The following SH3PXD2B variants were observed in gnomAD, a reference collection of about 807,000 sequenced individuals.
SH3PXD2B encodes SH3 and PX domains 2B, also known as SH3 and PX domain-containing protein 2B.
In SH3PXD2B, 37 loss-of-function variants were observed where a neutral mutation model predicts 73.1. The ratio of observed to expected loss-of-function variants is 0.51; its 90% confidence interval spans 0.39 to 0.67. SH3PXD2B has a LOEUF of 0.67. Among genes scored for constraint, SH3PXD2B ranks in the 30% least tolerant of loss-of-function variants. SH3PXD2B has a pLI of 0.00. For missense variants in SH3PXD2B, 1,053 were observed against 1,197.8 expected (o/e 0.88, Z 1.78); for synonymous variants, 457 against 480.5 (o/e 0.95, Z 0.64).
Position 172,368,626 on chromosome 5 carries a change from ATAT to A in SH3PXD2B, c.427+5161_427+5163del, listed in dbSNP as rs1160013635. The stretch of plus-strand genomic sequence containing the variant: ...TATATAATATATATGTTATATATAT[ATAT>A]AATATATATGTTATATATATAAAAT... On this transcript the variant is annotated intron_variant, in intron 6 of 12. Transcript: ENST00000311601. 5.5e-4 allele frequency among the ~76,000 whole-genome samples: 13 copies of A among 23,542 alleles called. 2 individuals carry two copies. The highest frequency in any genetic ancestry group is 6.4e-4 in the Non-Finnish European group (11 of 17,160). The allele number at this position is 23,542 out of a possible 152,430, so 15.4% of individuals were successfully genotyped here. A position where few individuals can be genotyped will look rare whatever the true frequency, so the allele number is the denominator to read the frequency against.
chr5:172,329,083 A>ATATATTTTTT (rs58472514), downstream of SH3PXD2B, among the ~76,000 whole-genome samples: 23 of 61,810 alleles, frequency 3.7e-4, no homozygotes, highest in African/African-American at 1.3e-3. Flanking sequence ...ATATATATAT[A>ATATATTTTTT]TTTTTTTTTT....
At chr5:172,384,831 G>A (rs7713926) in intron 4 of SH3PXD2B, among the ~76,000 whole-genome samples, 6,349 of 152,196 alleles carry the variant, frequency 0.042, 210 homozygotes, top group South Asian at 0.2. Context: ...GCTGCAATCT[G>A]CTCCAGACTC....
chr5:172,355,798 C>A (rs879457257), intron 8 of SH3PXD2B, among the ~76,000 whole-genome samples: 16 of 152,124 alleles, frequency 1.1e-4, no homozygotes, highest in Non-Finnish European at 1.8e-4. Flanking sequence ...CCCGCCTCGG[C>A]CTCCCAACGT....
intron 1 of SH3PXD2B, among the ~76,000 whole-genome samples, chr5:172,430,868 C>T (rs1160395704): frequency 6.7e-6 from 1 of 149,526 alleles, no homozygotes; most frequent in Non-Finnish European, 1.5e-5. Flanking sequence ...TTCTTTCTTT[C>T]TTTTTTTTTT....
In SH3PXD2B at chr5:172,339,601, T is replaced by C. The variant is rs1237708560; in HGVS notation, c.1504A>G (p.Met502Val). ...KDVLRKASSD[M>V]SASAGYEEIS... Reference sequence around the variant, plus strand: ...TCCTCGTAGCCTGCTGACGCAGACATGTCTGAAGATGCCTTCCTCAGGACA... The same window carrying C: ...TCCTCGTAGCCTGCTGACGCAGACACGTCTGAAGATGCCTTCCTCAGGACA... Residue 502 changes from methionine to valine, a missense_variant, in exon 13 of 13, where the codon ATG becomes GTG. Met to Val is a conservative substitution (Grantham distance 21). Transcript: ENST00000311601. This position sits in a 1 kb window ranked among gnomAD's most constrained non-coding sequence, Gnocchi z 6.1. The C allele has an allele frequency of 1.1e-5, 18 of 1,614,140 alleles. No individual in the cohort carries two copies. The highest frequency in any genetic ancestry group is 4.0e-5 in the African/African-American group (3 of 74,952).
At chr5:172,364,870 C>T (rs987883598) in intron 6 of SH3PXD2B, among the ~76,000 whole-genome samples, 6 of 151,998 alleles carry the variant, frequency 3.9e-5, no homozygotes, top group Non-Finnish European at 8.8e-5. Context: ...CAGGGCTTCT[C>T]CACTGGAGAG....
Position 172,335,086 on chromosome 5 carries a change from C to A in SH3PXD2B, c.*3283G>T. The A allele has an allele frequency of 2.0e-6, 2 of 985,582 alleles. No individual in the cohort carries two copies. The allele number at this position is 985,582 out of a possible 1,614,324, so 61.1% of individuals were successfully genotyped here. A position where few individuals can be genotyped will look rare whatever the true frequency, so the allele number is the denominator to read the frequency against. ...CACCCACCAATGGCAAAGAAAGATT[C>A]CGAGCAGAACATGTGAGCAAAGGCC... On this transcript the variant is annotated 3_prime_UTR_variant, in exon 13 of 13. Coordinates refer to ENST00000311601, the MANE Select transcript of SH3PXD2B (RefSeq NM_001017995.3).
At chr5:172,345,939 G>A (rs1405631420) in intron 12 of SH3PXD2B, among the ~76,000 whole-genome samples, 197 bp downstream of exon 12, 1 of 152,210 alleles carries the variant, frequency 6.6e-6, no homozygotes, top group African/African-American at 2.4e-5. Context: ...GGTGAGGGTT[G>A]TGCAACCCTG....
intron 8 of SH3PXD2B, among the ~76,000 whole-genome samples, chr5:172,357,052 A>C (rs1482326726): frequency 1.4e-5 from 2 of 147,882 alleles, no homozygotes; most frequent in Non-Finnish European, 3.0e-5. Flanking sequence ...CCAGGAATTC[A>C]AGGCTGCAGT....
intron 8 of SH3PXD2B, among the ~76,000 whole-genome samples, chr5:172,355,322 T>C (rs996412404): frequency 1.3e-5 from 2 of 152,206 alleles, no homozygotes; most frequent in African/African-American, 4.8e-5. Flanking sequence ...ACATATCCTG[T>C]GCTCAGCACA....
In SH3PXD2B at chr5:172,333,896, C is replaced by A. The variant is rs1326584970; in HGVS notation, c.*4473G>T. ...GAAAGGGGCGCTAACAATAATTACA[C>A]GGGCACAAAGGCATACATGGGCACA... On this transcript the variant is annotated 3_prime_UTR_variant, in exon 13 of 13. Transcript: ENST00000311601. 3.1e-6 allele frequency: 4 copies of A among 1,272,036 alleles called. No individual in the cohort carries two copies. The African/African-American group carries it at 4.7e-5, about 15-fold the overall frequency. 78.8% of individuals were successfully genotyped at this position (1,272,036 alleles called of 1,614,324 possible).
chr5:172,337,411 C>T lies in SH3PXD2B; in HGVS notation c.*958G>A, dbSNP rs76230855. Reference sequence around the variant, plus strand: ...CTGGTGTGTCCTTGGGCACATGGAGCGTGAATTTCCTCATCTATAAAGGGA... The same window carrying T: ...CTGGTGTGTCCTTGGGCACATGGAGTGTGAATTTCCTCATCTATAAAGGGA... On this transcript the variant is annotated 3_prime_UTR_variant, in exon 13 of 13. Transcript: ENST00000311601. 2.3e-4 allele frequency: 223 copies of T among 979,726 alleles called. No individual in the cohort carries two copies. The highest frequency in any genetic ancestry group is 1.9e-3 in the Admixed American group (31 of 16,278). 60.7% of individuals were successfully genotyped at this position (979,726 alleles called of 1,614,324 possible).
intron 10 of SH3PXD2B, among the ~76,000 whole-genome samples, chr5:172,348,654 CCTATCTATCTATCTATCTATCTAT>C (rs55939833): frequency 4.0e-4 from 24 of 60,450 alleles, no homozygotes; most frequent in East Asian, 6.6e-4. Context: ...ATCTATCTAT[CCTATCTATCTATCTATCTATCTAT>C]CTATCTATCT....
At chr5:172,347,215 G>A in intron 11 of SH3PXD2B, 68 bp downstream of exon 11, 1 of 1,482,774 alleles carries the variant, frequency 6.7e-7, no homozygotes, top group Admixed American at 1.7e-5. Context: ...GGGTGTGTGA[G>A]GGGCTAGTGG....
Position 172,335,599 on chromosome 5 carries a change from C to A in SH3PXD2B, c.*2770G>T. ...AGCGTGTGTGTTTAGGCACTGGTCA[C>A]CAGCCCGGTGCTTGGCACCATTGTC... On this transcript the variant is annotated 3_prime_UTR_variant, in exon 13 of 13. Coordinates refer to ENST00000311601, the MANE Select transcript of SH3PXD2B (RefSeq NM_001017995.3). 1 of 1,231,866 alleles carries A rather than the reference C, an allele frequency of 8.1e-7. No individual in the cohort carries two copies. The highest frequency in any genetic ancestry group is 3.2e-5 in the East Asian group (1 of 31,710). The allele number at this position is 1,231,866 out of a possible 1,614,324, so 76.3% of individuals were successfully genotyped here. A position where few individuals can be genotyped will look rare whatever the true frequency, so the allele number is the denominator to read the frequency against.
intron 2 of SH3PXD2B, among the ~76,000 whole-genome samples, chr5:172,407,069 G>A (rs569609572): frequency 5.9e-5 from 9 of 152,302 alleles, no homozygotes; most frequent in Non-Finnish European, 1.3e-4. Flanking sequence ...AAAATCACGA[G>A]GATCTGCTTC....
intron 12 of SH3PXD2B, 129 bp from the exon 13 acceptor site, chr5:172,340,045 A>G: frequency 6.6e-7 from 1 of 1,514,884 alleles, no homozygotes; most frequent in South Asian, 1.2e-5. Flanking sequence ...TCCTCTGACA[A>G]GGTCTACAGG....
At position 172,335,581 on chromosome 5, in the gene SH3PXD2B, G is replaced by T; in HGVS notation, c.*2788C>A. Reference sequence around the variant, plus strand: ...TGCCGTAAGGATTAAAGGAGCGTGTGTGTTTAGGCACTGGTCACCAGCCCG... The same window carrying T: ...TGCCGTAAGGATTAAAGGAGCGTGTTTGTTTAGGCACTGGTCACCAGCCCG... On this transcript the variant is annotated 3_prime_UTR_variant, in exon 13 of 13. Transcript: ENST00000311601. 8.1e-7 allele frequency: 1 copy of T among 1,231,832 alleles called. No individual in the cohort carries two copies. The highest frequency in any genetic ancestry group is 1.0e-6 in the Non-Finnish European group (1 of 988,024). The allele number at this position is 1,231,832 out of a possible 1,614,324, so 76.3% of individuals were successfully genotyped here.
At chr5:172,386,167 G>A (rs6879898) in intron 4 of SH3PXD2B, among the ~76,000 whole-genome samples, 10,427 of 152,268 alleles carry the variant, frequency 0.068, 498 homozygotes, top group South Asian at 0.2. Context: ...GCCTCTCTGA[G>A]CCTCAGTCTA....
Sources: gnomAD v4.1 joint callset for allele counts (sites outside exome capture counted in the v4.1 genomes callset) on GRCh38, gnomAD v4.1.1 for gene constraint, Gnocchi (gnomAD v3.1) non-coding constraint, MANE v1.5 for transcripts, NCBI Gene and HGNC (gene_info 2026-07-23, HGNC 2026-07-21) for gene names.